Variants in DPAGT1 observed in about 807,000 individuals in gnomAD.
DPAGT1 encodes dolichyl-phosphate N-acetylglucosaminephosphotransferase 1.
DPAGT1 carries 25 observed loss-of-function variants against 39.3 expected under a neutral mutation model. The observed-to-expected ratio is 0.64, with a 90% CI of 0.46 to 0.89. The LOEUF (loss-of-function observed/expected upper bound fraction) is 0.89. Ranked by LOEUF, DPAGT1 falls within the 40% of genes least tolerant of loss-of-function variation. The pLI is 0.00. For synonymous variants in DPAGT1, 193 were observed against 201.4 expected (o/e 0.96, Z 0.36); for missense variants, 381 against 500.6 (o/e 0.76, Z 2.28).
chr11:119,100,485 AG>A (rs1946479264), intron 3 of DPAGT1, 77 bp from the exon 4 acceptor site: 19 of 1,608,534 alleles, frequency 1.2e-5, no homozygotes, highest in African/African-American at 1.3e-5. Flanking sequence ...AAAAGTGGTG[AG>A]GACGGACGAT....
At chr11:119,095,528 A>C (rs1413750467), downstream of DPAGT1, 1 of 1,006,804 alleles carries the variant, frequency 9.9e-7, no homozygotes. Context: ...CGCCCTCCTG[A>C]TTGGCTCTTT....
downstream of DPAGT1, chr11:119,095,437 G>A (rs746844187): frequency 1.6e-5 from 24 of 1,458,546 alleles, no homozygotes; most frequent in South Asian, 3.1e-4. Context: ...TCAAACACTA[G>A]AACAGACGCC....
rs146610900 is a variant in DPAGT1, at chr11:119,100,775, T to C, written c.351A>G (p.Val117=). ...GCTTATGGCGCCAGCGCAGATTCAG[T>C]ACATCATCCGCAAAGCCCAGGAAGA... The part of the protein sequence containing the change: ...CMIFLGFADD[V]LNLRWRHKLL... The change falls in exon 3 of 9, where the codon GTA becomes GTG. Residue 117 remains valine (V), a synonymous_variant. Transcript: ENST00000354202. 61 of 1,614,112 alleles carry C rather than the reference T, an allele frequency of 3.8e-5. No individual in the cohort carries two copies. The highest frequency in any genetic ancestry group is 3.5e-4 in the Admixed American group (21 of 60,020).
downstream of DPAGT1, chr11:119,094,921 T>C: frequency 6.5e-7 from 1 of 1,549,046 alleles, no homozygotes; most frequent in South Asian, 1.2e-5. Flanking sequence ...GCCTTTGTGG[T>C]GGCATGGGGA....
intron 2 of DPAGT1, 75 bp from the exon 3 acceptor site, chr11:119,100,918 A>G: frequency 6.2e-7 from 1 of 1,613,822 alleles, no homozygotes; most frequent in Non-Finnish European, 8.5e-7. Flanking sequence ...GTCTTTTCTG[A>G]TAATTTCTTA....
chr11:119,097,672 C>T lies in DPAGT1; in HGVS notation c.918-121G>A. 5.6e-6 allele frequency: 8 copies of T among 1,423,704 alleles called. No individual in the cohort carries two copies. Among genetic ancestry groups the T allele is most frequent in the Non-Finnish European group, 5.9e-6 (6 of 1,011,144 alleles). 88.2% of individuals were successfully genotyped at this position (1,423,704 alleles called of 1,614,324 possible). A position where few individuals can be genotyped will look rare whatever the true frequency, so the allele number is the denominator to read the frequency against. On this transcript the variant is annotated intron_variant, in intron 6 of 8. Coordinates refer to ENST00000354202, the MANE Select transcript of DPAGT1 (RefSeq NM_001382.4). The surrounding 1 kb of genome is among the most constrained non-coding windows in gnomAD (Gnocchi z 4.6). ...GATCTATTTCTGGCTCTGCTGCTTA[C>T]TGTTATCAGAACCACTGTAGCAGAT... is the stretch of plus-strand genomic sequence containing the variant.
downstream of DPAGT1, chr11:119,094,999 G>T (rs138824010): frequency 6.2e-7 from 1 of 1,612,754 alleles, no homozygotes; most frequent in Admixed American, 1.7e-5. Context: ...CCTTCTTGCC[G>T]CCCGAGGGCG....
chr11:119,097,127 G>C lies in DPAGT1; in HGVS notation c.1161+15C>G, dbSNP rs775825050. 6.2e-7 allele frequency: 1 copy of C among 1,614,182 alleles called. No individual in the cohort carries two copies. The highest frequency in any genetic ancestry group is 8.5e-7 in the Non-Finnish European group (1 of 1,180,040). On this transcript the variant is annotated intron_variant, in intron 8 of 8. Coordinates refer to ENST00000354202, the MANE Select transcript of DPAGT1 (RefSeq NM_001382.4). This position sits in a 1 kb window ranked among gnomAD's most constrained non-coding sequence, Gnocchi z 4.6. The stretch of plus-strand genomic sequence containing the variant: ...AAGGGAGACACGGAGGTATAAACTC[G>C]ATTCCCATCCTCACCTGCAGCAGCA...
chr11:119,097,832 A>C lies in DPAGT1; in HGVS notation c.917+23T>G. ...CCCAAGTGAAAAGGCTATGATGTCC[A>C]TTTCAAGCCAAAAAGCGGCTACCTG... On this transcript the variant is annotated intron_variant, in intron 6 of 8. Coordinates refer to ENST00000354202, the MANE Select transcript of DPAGT1 (RefSeq NM_001382.4). The surrounding 1 kb of genome is among the most constrained non-coding windows in gnomAD (Gnocchi z 4.6). 5 of 1,613,804 alleles carry C rather than the reference A, an allele frequency of 3.1e-6. No individual in the cohort carries two copies. Among genetic ancestry groups the C allele is most frequent in the East Asian group, 2.2e-5 (1 of 44,888 alleles).
chr11:119,100,674 A>T lies in DPAGT1; in HGVS notation c.452T>A (p.Val151Glu), dbSNP rs370575259. 2.0e-5 allele frequency: 32 copies of T among 1,614,064 alleles called. No homozygotes were observed. Among genetic ancestry groups the T allele is most frequent in the Non-Finnish European group, 2.6e-5 (31 of 1,180,036 alleles). Residue 151 changes from valine to glutamate, a missense_variant, in exon 3 of 9, where the codon GTG becomes GAG. Physicochemically the swap from Val to Glu is moderately radical, Grantham distance 121 (BLOSUM62 -2). Coordinates refer to ENST00000354202, the MANE Select transcript of DPAGT1 (RefSeq NM_001382.4). ...FTNFGNTTIV[V>E]PKPFRPILGL... is the part of the protein sequence containing the mutation. ...AAGTATCGGGCGGAAGGGCTTGGGC[A>T]CCACAATGGTCGTGTTGCCAAAGTT...
At chr11:119,094,721 C>G (rs1946360870), downstream of DPAGT1, 1 of 408,758 alleles carries the variant, frequency 2.4e-6, no homozygotes, top group Middle Eastern at 6.2e-4. Flanking sequence ...GGAGGGCGGA[C>G]GGCGGACAGG....
At chr11:119,099,086 T>C (rs1946448141) in intron 4 of DPAGT1, among the ~76,000 whole-genome samples, 1 of 151,766 alleles carries the variant, frequency 6.6e-6, no homozygotes, top group Non-Finnish European at 1.5e-5. Flanking sequence ...TGGGAGAGGG[T>C]GAAAGAAAGT....
In DPAGT1 at chr11:119,100,422, T is replaced by C. The variant is rs1369824103; in HGVS notation, c.497-14A>G. On this transcript the variant is annotated splice_polypyrimidine_tract_variant and intron_variant, in intron 3 of 8. Coordinates refer to ENST00000354202, the MANE Select transcript of DPAGT1 (RefSeq NM_001382.4). ...AGTACAGGATTCCTGCGGGGAGAGATGGTAGGAAAAGAAGTAGTGCCACCT... is the reference window on the plus strand; with the variant it reads ...AGTACAGGATTCCTGCGGGGAGAGACGGTAGGAAAAGAAGTAGTGCCACCT... The C allele has an allele frequency of 3.7e-6, 6 of 1,613,766 alleles. No individual in the cohort carries two copies. Among genetic ancestry groups the C allele is most frequent in the African/African-American group, 1.3e-5 (1 of 74,840 alleles).
rs941907857 is a variant in DPAGT1, at chr11:119,097,477, G to T, written c.992C>A (p.Thr331Asn). The T allele has an allele frequency of 6.2e-7, 1 of 1,614,018 alleles. No homozygotes were observed. Among genetic ancestry groups the T allele is most frequent in the African/African-American group, 1.3e-5 (1 of 74,908 alleles). The change falls in exon 7 of 9, where the codon ACC becomes AAC. Residue 331 changes from threonine (T) to asparagine (N), a missense_variant. Coordinates refer to ENST00000354202, the MANE Select transcript of DPAGT1 (RefSeq NM_001382.4). This position sits in a 1 kb window ranked among gnomAD's most constrained non-coding sequence, Gnocchi z 4.6. The stretch of plus-strand genomic sequence containing the variant: ...TTACCCTGTTACCTTTAAAATAAAG[G>T]TGCCCAAGAAAGAGAGGCTCTTGGT... Reference protein sequence around the residue: ...FKTKSLSFLGTFILKVAESLQ... With the variant: ...FKTKSLSFLGNFILKVAESLQ...
At chr11:119,099,525 G>A (rs1249724204) in intron 4 of DPAGT1, among the ~76,000 whole-genome samples, 1 of 151,748 alleles carries the variant, frequency 6.6e-6, no homozygotes, top group African/African-American at 2.4e-5. Flanking sequence ...TGGGCACAGT[G>A]GCTCAAGAGT....
intron 1 of DPAGT1, 172 bp from the exon 2 acceptor site, chr11:119,101,310 C>G: frequency 7.3e-7 from 1 of 1,376,580 alleles, no homozygotes; most frequent in Non-Finnish European, 1.0e-6. Context: ...CCAGATATAC[C>G]CAAGGGTCCC....
chr11:119,098,358 G>A, intron 5 of DPAGT1, 45 bp downstream of exon 5: 1 of 1,587,880 alleles, frequency 6.3e-7, no homozygotes, highest in Non-Finnish European at 8.6e-7. Context: ...GGCCATCTTT[G>A]CCATGTGTTC....
chr11:119,101,669 G>A lies in DPAGT1; in HGVS notation c.-14C>T. 1 of 1,614,234 alleles carries A rather than the reference G, an allele frequency of 6.2e-7. No individual in the cohort carries two copies. The highest frequency in any genetic ancestry group is 8.5e-7 in the Non-Finnish European group (1 of 1,180,028). ...GAAGGCCCACATGGTGACCGGTCAG[G>A]GGCCCGGCTCCGCCGCCTCTTCAGG... On this transcript the variant is annotated 5_prime_UTR_variant, in exon 1 of 9. Transcript: ENST00000354202.
At chr11:119,095,400 C>A (rs1302616788), downstream of DPAGT1, 2 of 1,536,338 alleles carry the variant, frequency 1.3e-6, no homozygotes, top group Non-Finnish European at 1.7e-6. Context: ...GACATGCTAG[C>A]GAGGTAGACC....
Sources: allele counts gnomAD v4.1 joint callset (sites outside exome capture counted in the v4.1 genomes callset), GRCh38; gene constraint gnomAD v4.1.1; non-coding constraint Gnocchi (gnomAD v3.1); transcripts MANE v1.5; gene names NCBI Gene and HGNC (gene_info 2026-07-23, HGNC 2026-07-21).